STAG1: variants seen among roughly 807,000 people sequenced by gnomAD.
The protein encoded by STAG1 is cohesin subunit SA-1.
A neutral mutation model predicts 170.9 loss-of-function variants in STAG1; 26 were observed. The observed-to-expected ratio is 0.15, with a 90% CI of 0.11 to 0.21. The LOEUF (loss-of-function observed/expected upper bound fraction) is 0.21. Among genes scored for constraint, STAG1 ranks in the 10% least tolerant of loss-of-function variants. The pLI is 1.00. For synonymous variants in STAG1, 514 were observed against 497.7 expected (o/e 1.03, Z -0.44); for missense variants, 964 against 1,509.5 (o/e 0.64, Z 5.99).
At chr3:136,459,486 A>T (rs1298216521) in intron 13 of STAG1, among the ~76,000 whole-genome samples, 1 of 152,188 alleles carries the variant, frequency 6.6e-6, no homozygotes, top group Non-Finnish European at 1.5e-5. Context: ...GTTTCCAAAG[A>T]AACACTGGAG....
chr3:136,460,615 C>T (rs1318467208), intron 13 of STAG1, among the ~76,000 whole-genome samples: 1 of 151,582 alleles, frequency 6.6e-6, no homozygotes, highest in Non-Finnish European at 1.5e-5. Context: ...AAAAGAAAAC[C>T]TGAAGAGACC....
chr3:136,602,776 G>A (rs1054080308), intron 4 of STAG1, among the ~76,000 whole-genome samples: 6 of 152,122 alleles, frequency 3.9e-5, no homozygotes, highest in Admixed American at 2.0e-4. Flanking sequence ...CCTTGAACCC[G>A]GGAGGTGGAG....
At chr3:136,587,835 C>G (rs1937919593) in intron 4 of STAG1, among the ~76,000 whole-genome samples, 1 of 151,712 alleles carries the variant, frequency 6.6e-6, no homozygotes, top group Non-Finnish European at 1.5e-5. Flanking sequence ...CCAGGCGGGT[C>G]CCTGTAATCC....
At position 136,500,252 on chromosome 3, in the gene STAG1, A is replaced by G; in HGVS notation, c.873T>C (p.Ile291=). 1 of 1,586,486 alleles carries G rather than the reference A, an allele frequency of 6.3e-7. No individual in the cohort carries two copies. The highest frequency in any genetic ancestry group is 1.1e-5 in the South Asian group (1 of 88,062). The change falls in exon 9 of 34, where the codon ATT becomes ATC. Residue 291 remains isoleucine (I), a synonymous_variant. Coordinates refer to ENST00000383202, the MANE Select transcript of STAG1 (RefSeq NM_005862.3). ...QDEIENMMNS[I]FKGIFVHRYR... is the part of the protein sequence containing the mutation. ...ATCTATGAACAAATATACCCTTAAA[A>G]ATAGAGTTCATCATATTTTCGATTT...
intron 7 of STAG1, among the ~76,000 whole-genome samples, chr3:136,504,580 T>C (rs1933658061): frequency 6.6e-6 from 1 of 152,198 alleles, no homozygotes; most frequent in Non-Finnish European, 1.5e-5. Context: ...ACAAGAGGAA[T>C]CTGGAGCATT....
At chr3:136,634,630 C>G (rs1416313625) in intron 1 of STAG1, among the ~76,000 whole-genome samples, 2 of 139,336 alleles carry the variant, frequency 1.4e-5, no homozygotes, top group South Asian at 4.5e-4. Context: ...AAAAAAAAAG[C>G]TCAAATAAAT....
intron 1 of STAG1, among the ~76,000 whole-genome samples, chr3:136,646,811 C>T (rs1297272547): frequency 6.6e-6 from 1 of 152,014 alleles, no homozygotes; most frequent in Non-Finnish European, 1.5e-5. Flanking sequence ...GAGGCTGAGT[C>T]AGGAGAATCG....
chr3:136,737,849 CTCAAGGTCAGGGGT>C (rs1934430006), intron 1 of STAG1, among the ~76,000 whole-genome samples: 1 of 152,046 alleles, frequency 6.6e-6, no homozygotes, highest in African/African-American at 2.4e-5. Flanking sequence ...GCGGGCGGAT[CTCAAGGTCAGGGGT>C]TCAAGACCAG....
Position 136,337,360 on chromosome 3 carries a change from T to TA in STAG1, c.*893dup, listed in dbSNP as rs1413169156. The TA allele has an allele frequency of 3.3e-5, 5 of 152,620 alleles. No homozygotes were observed. Among genetic ancestry groups the TA allele is most frequent in the Non-Finnish European group, 5.9e-5 (4 of 68,030 alleles). 9.5% of individuals were successfully genotyped at this position (152,620 alleles called of 1,614,324 possible). ...AACTTGAATTTGGCAGGGCATGAAA[T>TA]AAGTGGTAAAAACAGCAAACTGATA... On this transcript the variant is annotated 3_prime_UTR_variant, in exon 34 of 34. Coordinates refer to ENST00000383202, the MANE Select transcript of STAG1 (RefSeq NM_005862.3).
intron 1 of STAG1, among the ~76,000 whole-genome samples, chr3:136,751,173 T>G (rs897278580): frequency 3.2e-4 from 31 of 97,274 alleles, no homozygotes; most frequent in African/African-American, 6.1e-4. Context: ...ACAAATTGCG[T>G]TTTTTTTTTT....
At chr3:136,743,299 C>T (rs1315536186) in intron 1 of STAG1, among the ~76,000 whole-genome samples, 4 of 150,860 alleles carry the variant, frequency 2.7e-5, no homozygotes, top group South Asian at 2.1e-4. Context: ...ACCCAGGAGG[C>T]GGAAGTTACA....
intron 16 of STAG1, among the ~76,000 whole-genome samples, chr3:136,427,385 C>A (rs960511024): frequency 1.3e-5 from 2 of 152,154 alleles, no homozygotes; most frequent in Non-Finnish European, 2.9e-5. Flanking sequence ...CACTAATCAT[C>A]TTTGCATGAA....
intron 16 of STAG1, chr3:136,430,213 C>T (rs547962513): frequency 6.3e-4 from 96 of 152,218 alleles, no homozygotes; most frequent in African/African-American, 2.3e-3. Flanking sequence ...CAGGTCAGTG[C>T]CACTAACCCC....
At chr3:136,587,991 A>G (rs185206369) in intron 4 of STAG1, among the ~76,000 whole-genome samples, 4 of 152,214 alleles carry the variant, frequency 2.6e-5, no homozygotes, top group Non-Finnish European at 5.9e-5. Flanking sequence ...AAAATAGCCT[A>G]CACTTAACAC....
At chr3:136,446,386 T>C (rs1176259892) in intron 14 of STAG1, among the ~76,000 whole-genome samples, 1 of 152,102 alleles carries the variant, frequency 6.6e-6, no homozygotes, top group African/African-American at 2.4e-5. Flanking sequence ...TCTGACTGCA[T>C]GTCCTTTGAT....
intron 6 of STAG1, among the ~76,000 whole-genome samples, chr3:136,535,537 C>G (rs1935577643): frequency 6.6e-6 from 1 of 152,166 alleles, no homozygotes; most frequent in Non-Finnish European, 1.5e-5. Context: ...GTGGCACAAG[C>G]CTGTAATCCC....
chr3:136,546,562 C>T (rs1936163897), intron 5 of STAG1, among the ~76,000 whole-genome samples: 1 of 152,128 alleles, frequency 6.6e-6, no homozygotes, highest in Non-Finnish European at 1.5e-5. Context: ...TGTTACCTTT[C>T]ATCGCATGGT....
intron 6 of STAG1, among the ~76,000 whole-genome samples, chr3:136,531,933 A>T (rs1319268232): frequency 6.6e-6 from 1 of 151,618 alleles, no homozygotes; most frequent in Non-Finnish European, 1.5e-5. Context: ...AAGAGTAGTA[A>T]GGTTTCAAAG....
rs1936367957 is a variant in STAG1, at chr3:136,551,198, TGAGAGAGAGTGAGAGAGAGA to T, written c.395-9023_395-9004del. On this transcript the variant is annotated intron_variant, in intron 5 of 33. Coordinates refer to ENST00000383202, the MANE Select transcript of STAG1 (RefSeq NM_005862.3). ...TTTTTTTTGAGAGAGAGAGAGAGGT[TGAGAGAGAGTGAGAGAGAGA>T]GAGAGAGAGAGAGAGAGAGAGAGAG... 9.3e-5 allele frequency among the ~76,000 whole-genome samples: 4 copies of T among 43,130 alleles called. 1 individual carries two copies. The South Asian group carries it at 3.4e-3, about 36-fold the overall frequency. 28.3% of individuals were successfully genotyped at this position (43,130 alleles called of 152,430 possible).
Sources: gnomAD v4.1 joint callset for allele counts (sites outside exome capture counted in the v4.1 genomes callset) on GRCh38, gnomAD v4.1.1 for gene constraint, MANE v1.5 for transcripts, NCBI Gene and HGNC (gene_info 2026-07-23, HGNC 2026-07-21) for gene names.